Variants in PRKAB1 observed in about 807,000 individuals in gnomAD.
The protein encoded by PRKAB1 is protein kinase AMP-activated non-catalytic subunit beta 1.
PRKAB1 carries 18 observed loss-of-function variants against 32.0 expected under a neutral mutation model. The ratio of observed to expected loss-of-function variants is 0.56; its 90% confidence interval spans 0.39 to 0.83. The LOEUF is 0.83. Among genes scored for constraint, PRKAB1 ranks in the 40% least tolerant of loss-of-function variants. The probability of loss-of-function intolerance (pLI) is 0.00; values close to 1 mark genes in which losing one functional copy is unlikely to be tolerated. For missense variants in PRKAB1, 263 were observed against 352.6 expected, an observed-to-expected ratio of 0.75 and a Z score of 2.03; for synonymous variants, 141 against 141.4, an observed-to-expected ratio of 1.00 and a Z score of 0.02.
intron 2 of PRKAB1, 157 bp from the exon 3 acceptor site, chr12:119,673,807 A>T: frequency 1.8e-6 from 1 of 569,684 alleles, no homozygotes; most frequent in Non-Finnish European, 3.1e-6. Context: ...GATTGAGGTC[A>T]TTATGCTGAA....
rs1422001825 is a variant in PRKAB1 at position 119,672,459 on chromosome 12, C to T, written c.318C>T (p.Thr106=). ...ACAACTGGAGTAAACTTCCCCTCACCAGAAGGTAATTGCCTGGGGAGTGTT... is the reference window on the plus strand; with the variant it reads ...ACAACTGGAGTAAACTTCCCCTCACTAGAAGGTAATTGCCTGGGGAGTGTT... The part of the protein sequence containing the change: ...SFNNWSKLPL[T]RSHNNFVAIL... The change falls in exon 2 of 7, where the codon ACC becomes ACT. Residue 106 remains threonine (T), a synonymous_variant. Coordinates refer to ENST00000229328, the MANE Select transcript of PRKAB1 (RefSeq NM_006253.5). The T allele has an allele frequency of 1.3e-6, 2 of 1,582,386 alleles. No individual in the cohort carries two copies. Among genetic ancestry groups the T allele is most frequent in the Admixed American group, 3.6e-5 (2 of 56,034 alleles).
At chr12:119,673,866 G>A in intron 2 of PRKAB1, 98 bp from the exon 3 acceptor site, 5 of 989,738 alleles carry the variant, frequency 5.1e-6, no homozygotes, top group South Asian at 1.6e-5. Context: ...TGAACTCTTG[G>A]TTTTATGTGG....
intron 1 of PRKAB1, chr12:119,669,638 A>G (rs113328216): frequency 1.6e-4 from 24 of 149,256 alleles, no homozygotes; most frequent in African/African-American, 5.5e-4. Context: ...GGGCAGTAGC[A>G]CAATCTCGGG....
intron 5 of PRKAB1, chr12:119,677,787 C>T (rs1160750776): frequency 4.1e-5 from 4 of 96,560 alleles, no homozygotes; most frequent in African/African-American, 8.0e-5. Context: ...TTTTTTGAGA[C>T]GGAGTCTTGC....
chr12:119,680,700 T>C lies in PRKAB1; in HGVS notation c.*375T>C. 4.8e-6 allele frequency: 1 copy of C among 208,476 alleles called. No homozygotes were observed. Among genetic ancestry groups the C allele is most frequent in the Non-Finnish European group, 9.8e-6 (1 of 101,898 alleles). The allele number at this position is 208,476 out of a possible 1,614,324, so 12.9% of individuals were successfully genotyped here. On this transcript the variant is annotated 3_prime_UTR_variant, in exon 7 of 7. Coordinates refer to ENST00000229328, the MANE Select transcript of PRKAB1 (RefSeq NM_006253.5). The stretch of plus-strand genomic sequence containing the variant: ...GCTAACTCCTTTGCCAGTAAAATTC[T>C]GGGAAACAGGGACTGAGGCCACACA...
rs530228698 is a variant in PRKAB1 at position 119,680,847 on chromosome 12, G to A, written c.*522G>A. 2.0e-5 allele frequency: 3 copies of A among 153,392 alleles called. No individual in the cohort carries two copies. The highest frequency in any genetic ancestry group is 2.0e-4 in the South Asian group (1 of 4,898). The allele number at this position is 153,392 out of a possible 1,614,324, so 9.5% of individuals were successfully genotyped here. A position where few individuals can be genotyped will look rare whatever the true frequency, so the allele number is the denominator to read the frequency against. On this transcript the variant is annotated 3_prime_UTR_variant, in exon 7 of 7. Transcript: ENST00000229328. ...CAAAATCAACAACAGATTGTCTCTC[G>A]GCTCCAGGGAGGTGTCATTTCTATA...
chr12:119,672,771 C>T (rs944384732), intron 2 of PRKAB1, among the ~76,000 whole-genome samples: 8 of 152,172 alleles, frequency 5.3e-5, no homozygotes, highest in African/African-American at 1.9e-4. Flanking sequence ...GAGCACTGGG[C>T]TGGAATCTTA....
intron 2 of PRKAB1, 123 bp from the exon 3 acceptor site, chr12:119,673,837 ATGTT>A (rs1955404430): frequency 4.2e-6 from 3 of 714,982 alleles, no homozygotes; most frequent in Admixed American, 2.8e-5. Flanking sequence ...TGGGCTAAAA[ATGTT>A]TGTTCTCCTG....
chr12:119,675,928 T>C (rs1366831048), intron 4 of PRKAB1, among the ~76,000 whole-genome samples: 3 of 152,224 alleles, frequency 2.0e-5, no homozygotes, highest in Non-Finnish European at 4.4e-5. Context: ...CCTGCTCTTG[T>C]AGCAGCTTCT....
In PRKAB1 at chr12:119,672,421, T is replaced by A. The variant is rs1565875622; in HGVS notation, c.280T>A (p.Ser94Thr). Reference sequence around the variant, plus strand: ...GGGGGGCGGAAAGGAAGTTTACTTATCTGGGTCCTTCAACAACTGGAGTAA... The same window carrying A: ...GGGGGGCGGAAAGGAAGTTTACTTAACTGGGTCCTTCAACAACTGGAGTAA... The part of the protein sequence containing the change: ...WTGGGKEVYL[S>T]GSFNNWSKLP... Residue 94 changes from serine to threonine, a missense_variant, in exon 2 of 7, where the codon TCT becomes ACT. Ser to Thr is a moderately conservative substitution (Grantham distance 58). Transcript: ENST00000229328. 2 of 1,606,390 alleles carry A rather than the reference T, an allele frequency of 1.2e-6. No homozygotes were observed.
chr12:119,669,494 C>G (rs1168201695), intron 1 of PRKAB1: 5 of 151,450 alleles, frequency 3.3e-5, no homozygotes, highest in African/African-American at 1.2e-4. Context: ...GTCTCCATCT[C>G]CTGACCTCAG....
Position 119,672,235 on chromosome 12 carries a change from A to G in PRKAB1, c.160-66A>G, listed in dbSNP as rs529588670. On this transcript the variant is annotated intron_variant, in intron 1 of 6. Transcript: ENST00000229328. Reference sequence around the variant, plus strand: ...AGTAACAGCTGCGTCTTTAGAATGAATTGTCAATATTGTCTGTTGTAGGGA... The same window carrying G: ...AGTAACAGCTGCGTCTTTAGAATGAGTTGTCAATATTGTCTGTTGTAGGGA... 11 of 1,395,330 alleles carry G rather than the reference A, an allele frequency of 7.9e-6. No homozygotes were observed. The South Asian group carries it at 1.1e-4, about 14-fold the overall frequency. 86.4% of individuals were successfully genotyped at this position (1,395,330 alleles called of 1,614,324 possible). A position where few individuals can be genotyped will look rare whatever the true frequency, so the allele number is the denominator to read the frequency against.
intron 1 of PRKAB1, chr12:119,669,471 G>T: frequency 6.6e-6 from 1 of 150,638 alleles, no homozygotes; most frequent in Non-Finnish European, 1.5e-5. Flanking sequence ...GTTTCACCGT[G>T]TTAGCCAGGA....
rs1347439879 is a variant in PRKAB1, at chr12:119,674,684, G to A, written c.532+230G>A. ...TCTCAGGTATTCAGTAGGTCTGCTT[G>A]GCCACAGAACGCAGACAGCAGAAAT... is the stretch of plus-strand genomic sequence containing the variant. On this transcript the variant is annotated intron_variant, in intron 4 of 6. Transcript: ENST00000229328. The surrounding 1 kb of genome is among the most constrained non-coding windows in gnomAD (Gnocchi z 4.3). Among the ~76,000 whole-genome samples the A allele has an allele frequency of 6.6e-6, 1 of 152,212 alleles. No individual in the cohort carries two copies. The highest frequency in any genetic ancestry group is 1.5e-5 in the Non-Finnish European group (1 of 68,040).
rs781670874 is a variant in PRKAB1, at chr12:119,676,641, G to A, written c.637G>A (p.Val213Ile). 1.2e-6 allele frequency: 2 copies of A among 1,613,678 alleles called. No homozygotes were observed. The highest frequency in any genetic ancestry group is 1.1e-5 in the South Asian group (1 of 91,040). ...TATTCTCCCCCCACATCTCCTCCAG[G>A]TCATCCTGAACAAGGACACGGGGAT... ...PPILPPHLLQVILNKDTGISC... is the reference protein window; with the variant it reads ...PPILPPHLLQIILNKDTGISC... The change falls in exon 5 of 7, where the codon GTC becomes ATC. Residue 213 changes from valine to isoleucine, a missense_variant. Coordinates refer to ENST00000229328, the MANE Select transcript of PRKAB1 (RefSeq NM_006253.5).
At chr12:119,678,412 G>C (rs1278411449) in intron 5 of PRKAB1, 2 of 152,228 alleles carry the variant, frequency 1.3e-5, no homozygotes, top group African/African-American at 2.4e-5. Flanking sequence ...TACTGTCTTA[G>C]AGATTTTCAA....
chr12:119,671,293 A>C lies in PRKAB1; in HGVS notation c.160-1008A>C, dbSNP rs370234442. ...CACTTAATGACAGGGACATATTCTG[A>C]GAAATACATCATTAGGTGATTTTAT... On this transcript the variant is annotated intron_variant, in intron 1 of 6. Transcript: ENST00000229328. Among the ~76,000 whole-genome samples the C allele has an allele frequency of 2.0e-5, 3 of 152,240 alleles. No individual in the cohort carries two copies. In the East Asian group the frequency reaches 5.8e-4, roughly 29 times the overall value.
rs932121311 is a variant in PRKAB1, at chr12:119,676,253, C to T, written c.533-284C>T. Among the ~76,000 whole-genome samples the T allele has an allele frequency of 4.6e-5, 7 of 152,270 alleles. No individual in the cohort carries two copies. The East Asian group carries it at 1.4e-3, about 29-fold the overall frequency. On this transcript the variant is annotated intron_variant, in intron 4 of 6. Transcript: ENST00000229328. ...TGCCGTGCGTGTGGGATTAAGTTAT[C>T]GAGAATAGCCTCCTTGTGATCTGAC...
chr12:119,672,492 T>C (rs757183318), intron 2 of PRKAB1, 28 bp downstream of exon 2: 1 of 1,481,748 alleles, frequency 6.7e-7, no homozygotes, highest in Non-Finnish European at 9.0e-7. Flanking sequence ...GTTCACATAT[T>C]TGTCTTAACA....
Sources: gnomAD v4.1 joint callset for allele counts (sites outside exome capture counted in the v4.1 genomes callset) on GRCh38, gnomAD v4.1.1 for gene constraint, Gnocchi (gnomAD v3.1) non-coding constraint, MANE v1.5 for transcripts, NCBI Gene and HGNC (gene_info 2026-07-23, HGNC 2026-07-21) for gene names.